Variants in TBC1D5 observed in about 807,000 individuals in gnomAD.
TBC1D5 encodes the protein TBC1 domain family member 5.
In TBC1D5, 75 loss-of-function variants were observed where a neutral mutation model predicts 100.3. The ratio of observed to expected loss-of-function variants is 0.75; its 90% CI spans 0.62 to 0.91. TBC1D5 has a LOEUF of 0.91. TBC1D5 is among the 40% of genes least tolerant of loss of function. TBC1D5 has a pLI of 0.00. For missense variants in TBC1D5, 910 were observed against 942.4 expected (o/e 0.97, Z 0.45); for synonymous variants, 323 against 325.6 (o/e 0.99, Z 0.09).
At chr3:17,557,293 A>G (rs2096528465) in intron 2 of TBC1D5, among the ~76,000 whole-genome samples, 1 of 152,222 alleles carries the variant, frequency 6.6e-6, no homozygotes. Context: ...AAAAAAACCA[A>G]GAGGGATAGG....
chr3:17,409,057 T>A (rs913662106), intron 4 of TBC1D5, among the ~76,000 whole-genome samples: 2 of 152,188 alleles, frequency 1.3e-5, no homozygotes, highest in Non-Finnish European at 2.9e-5. Flanking sequence ...ATCAGTACAT[T>A]ACAGGAGTAG....
chr3:17,346,723 T>C (rs1202345990), intron 13 of TBC1D5, among the ~76,000 whole-genome samples: 1 of 152,174 alleles, frequency 6.6e-6, no homozygotes, highest in Admixed American at 6.5e-5. Flanking sequence ...CACGTTTAAT[T>C]CTTACATTAT....
chr3:17,564,098 A>T (rs1348797561), intron 2 of TBC1D5, among the ~76,000 whole-genome samples: 1 of 152,098 alleles, frequency 6.6e-6, no homozygotes, highest in Non-Finnish European at 1.5e-5. Flanking sequence ...GTGATTTTTA[A>T]CTTCATACAT....
chr3:17,233,684 C>CG lies in TBC1D5; in HGVS notation c.1588+4478_1588+4479insC. 1 of 1,513,946 alleles carries CG rather than the reference C, an allele frequency of 6.6e-7. No homozygotes were observed. 93.8% of individuals were successfully genotyped at this position (1,513,946 alleles called of 1,614,324 possible). Reference sequence around the variant, plus strand: ...ACACTATGTTGTTATGGTAACTGTACCTTGGAGGTCAGTTAGAGTCTGGAC... The same window carrying CG: ...ACACTATGTTGTTATGGTAACTGTACGCTTGGAGGTCAGTTAGAGTCTGGAC... On this transcript the variant is annotated intron_variant, in intron 17 of 21. Coordinates refer to ENST00000253692, the Ensembl canonical transcript of TBC1D5.
intron 2 of TBC1D5, among the ~76,000 whole-genome samples, chr3:17,549,164 G>A (rs752815231): frequency 2.0e-5 from 3 of 152,140 alleles, no homozygotes; most frequent in Non-Finnish European, 2.9e-5. Context: ...AGCCGAGTGT[G>A]GTGGCGCATG....
intron 2 of TBC1D5, among the ~76,000 whole-genome samples, chr3:17,512,004 A>G (rs563587601): frequency 6.6e-6 from 1 of 151,888 alleles, no homozygotes; most frequent in East Asian, 1.9e-4. Context: ...TGCTGCTTTC[A>G]TTTTTTTTAT....
intron 1 of TBC1D5, among the ~76,000 whole-genome samples, chr3:17,684,148 T>C (rs2069916376): frequency 6.6e-6 from 1 of 151,732 alleles, no homozygotes; most frequent in Non-Finnish European, 1.5e-5. Context: ...AAAAAGAAAA[T>C]GCCATATCTA....
At chr3:17,169,582 CA>C (rs2066967812) in intron 19 of TBC1D5, among the ~76,000 whole-genome samples, 1 of 151,846 alleles carries the variant, frequency 6.6e-6, no homozygotes, top group Non-Finnish European at 1.5e-5. Flanking sequence ...TGGCCTGCTC[CA>C]AAACAAGAAA....
chr3:17,400,809 T>G (rs2093625803), intron 8 of TBC1D5, among the ~76,000 whole-genome samples: 1 of 152,120 alleles, frequency 6.6e-6, no homozygotes, highest in Admixed American at 6.6e-5. Context: ...CCACGGTGGA[T>G]GCTTCCTGCC....
At chr3:17,662,605 T>C (rs1216049513) in intron 1 of TBC1D5, among the ~76,000 whole-genome samples, 1 of 152,198 alleles carries the variant, frequency 6.6e-6, no homozygotes, top group Non-Finnish European at 1.5e-5. Flanking sequence ...AGAAAGTGCT[T>C]TGCTTTACTC....
chr3:17,701,720 T>C (rs1341803253), intron 1 of TBC1D5, among the ~76,000 whole-genome samples: 1 of 152,016 alleles, frequency 6.6e-6, no homozygotes, highest in Non-Finnish European at 1.5e-5. Context: ...AAGTCACAGA[T>C]GGAAGGTCTG....
At chr3:17,204,694 C>A (rs1266175509) in intron 18 of TBC1D5, among the ~76,000 whole-genome samples, 1 of 152,044 alleles carries the variant, frequency 6.6e-6, no homozygotes, top group Admixed American at 6.6e-5. Context: ...CACTCTATTT[C>A]CTGTGATTCT....
intron 13 of TBC1D5, among the ~76,000 whole-genome samples, chr3:17,364,602 C>A (rs2091980683): frequency 6.6e-6 from 1 of 152,118 alleles, no homozygotes. Context: ...ATTTTAGCTG[C>A]CTCTTCTAAG....
At chr3:17,225,018 C>T (rs1025018044) in intron 17 of TBC1D5, among the ~76,000 whole-genome samples, 1 of 152,176 alleles carries the variant, frequency 6.6e-6, no homozygotes, top group Admixed American at 6.5e-5. Flanking sequence ...GGAACACAAA[C>T]ATTCAGACCC....
intron 18 of TBC1D5, among the ~76,000 whole-genome samples, chr3:17,207,108 T>C (rs992829389): frequency 7.9e-5 from 12 of 152,288 alleles, no homozygotes; most frequent in African/African-American, 2.9e-4. Context: ...CTAATTTTTT[T>C]GTTAAATTTT....
At chr3:17,254,364 T>C (rs2077440040) in intron 16 of TBC1D5, among the ~76,000 whole-genome samples, 1 of 152,212 alleles carries the variant, frequency 6.6e-6, no homozygotes, top group African/African-American at 2.4e-5. Context: ...TCCACATCCT[T>C]GCCAACATTT....
intron 2 of TBC1D5, among the ~76,000 whole-genome samples, chr3:17,580,626 C>T (rs2096688031): frequency 6.6e-6 from 1 of 152,078 alleles, no homozygotes; most frequent in Non-Finnish European, 1.5e-5. Flanking sequence ...GGAGCACTCC[C>T]ATTAGTATGC....
At chr3:17,730,792 T>A (rs1231813756) in intron 1 of TBC1D5, among the ~76,000 whole-genome samples, 1 of 152,130 alleles carries the variant, frequency 6.6e-6, no homozygotes, top group Non-Finnish European at 1.5e-5. Flanking sequence ...GTATTGGACA[T>A]CTATTTTTAA....
chr3:17,503,757 C>A (rs1490722311), intron 3 of TBC1D5, among the ~76,000 whole-genome samples: 1 of 149,708 alleles, frequency 6.7e-6, no homozygotes, highest in Admixed American at 6.6e-5. Flanking sequence ...TACATATAGT[C>A]TATGCTCCCA....
Sources: allele counts gnomAD v4.1 joint callset (sites outside exome capture counted in the v4.1 genomes callset), GRCh38; gene constraint gnomAD v4.1.1; transcripts MANE v1.5; gene names NCBI Gene and HGNC (gene_info 2026-07-23, HGNC 2026-07-21).